The following YBX1 variants were observed in gnomAD, a reference collection of about 807,000 sequenced individuals.
YBX1 encodes the protein Y-box binding protein 1.
In YBX1, 3 loss-of-function variants were observed where a neutral mutation model predicts 41.4. The ratio of observed to expected loss-of-function variants is 0.07; its 90% CI spans 0.03 to 0.19. The LOEUF (loss-of-function observed/expected upper bound fraction) is 0.19, where lower values mean the gene tolerates loss of function less well. Among genes scored for constraint, YBX1 ranks in the 10% least tolerant of loss-of-function variants. YBX1 has a pLI of 1.00. For synonymous variants in YBX1, 133 were observed against 165.8 expected (o/e 0.80, Z 1.52); for missense variants, 274 against 462.8 (o/e 0.59, Z 3.74).
intron 2 of YBX1, among the ~76,000 whole-genome samples, chr1:42,685,612 A>G (rs979090881): frequency 1.3e-5 from 2 of 152,206 alleles, no homozygotes; most frequent in African/African-American, 4.8e-5. Flanking sequence ...TGAGGGAGGG[A>G]GACAGACTGA....
At chr1:42,689,655 T>G (rs898967178) in intron 2 of YBX1, among the ~76,000 whole-genome samples, 4 of 152,134 alleles carry the variant, frequency 2.6e-5, no homozygotes, top group African/African-American at 9.7e-5. Flanking sequence ...GTCCGGGAGT[T>G]TGGATGGATT....
At chr1:42,687,896 A>G (rs374645376) in intron 2 of YBX1, among the ~76,000 whole-genome samples, 3 of 152,314 alleles carry the variant, frequency 2.0e-5, no homozygotes, top group East Asian at 3.9e-4. Flanking sequence ...ATGTTTTGGC[A>G]CTAGGGAAGG....
chr1:42,696,522 C>CGGGGTGG lies in YBX1; in HGVS notation c.355-120_355-119insGGGGTGG. 3.1e-6 allele frequency: 2 copies of CGGGGTGG among 637,568 alleles called. No homozygotes were observed. The highest frequency in any genetic ancestry group is 4.8e-6 in the Non-Finnish European group (2 of 420,684). 39.5% of individuals were successfully genotyped at this position (637,568 alleles called of 1,614,324 possible). On this transcript the variant is annotated intron_variant, in intron 4 of 7. Transcript: ENST00000321358. This position sits in a 1 kb window ranked among gnomAD's most constrained non-coding sequence, Gnocchi z 5.7. ...GGTCACGCAGTTGCGCCCCCCCCCC[C>CGGGGTGG]TTTTTTTTCCTTAACTTTGTTGTTT...
chr1:42,691,218 G>A (rs1345841084), intron 2 of YBX1, among the ~76,000 whole-genome samples: 1 of 152,202 alleles, frequency 6.6e-6, no homozygotes, highest in East Asian at 1.9e-4. Context: ...CCCTGGCTAA[G>A]TATTCCTTTT....
At chr1:42,699,045 G>T (rs182407738) in intron 6 of YBX1, among the ~76,000 whole-genome samples, 1 of 152,026 alleles carries the variant, frequency 6.6e-6, no homozygotes, top group Non-Finnish European at 1.5e-5. Flanking sequence ...AAAATGGGGG[G>T]TCAAAAAGGG....
chr1:42,696,511 G>GCCC lies in YBX1; in HGVS notation c.355-122_355-120dup, dbSNP rs34273075. ...TGTGCACCCCTGGTCACGCAGTTGC[G>GCCC]CCCCCCCCCCCTTTTTTTTCCTTAA... On this transcript the variant is annotated intron_variant, in intron 4 of 7. Coordinates refer to ENST00000321358, the MANE Select transcript of YBX1 (RefSeq NM_004559.5). The surrounding 1 kb of genome is among the most constrained non-coding windows in gnomAD (Gnocchi z 5.7). The GCCC allele has an allele frequency of 1.6e-3, 757 of 468,782 alleles. 10 individuals are homozygous for GCCC. Among genetic ancestry groups the GCCC allele is most frequent in the East Asian group, 6.2e-3 (126 of 20,164 alleles). 29.0% of individuals were successfully genotyped at this position (468,782 alleles called of 1,614,324 possible). A position where few individuals can be genotyped will look rare whatever the true frequency, so the allele number is the denominator to read the frequency against.
intron 2 of YBX1, among the ~76,000 whole-genome samples, chr1:42,693,064 A>G (rs1385327859): frequency 6.6e-6 from 1 of 152,072 alleles, no homozygotes; most frequent in South Asian, 2.1e-4. Context: ...TCTCATTTTT[A>G]TGATCTCAAG....
In YBX1 at chr1:42,702,980, A is replaced by G. The variant is rs1196291869; in HGVS notation, c.*1031A>G. Among the ~76,000 whole-genome samples, 1 of 152,128 alleles carries G rather than the reference A, an allele frequency of 6.6e-6. No homozygotes were observed. The highest frequency in any genetic ancestry group is 2.4e-5 in the African/African-American group (1 of 41,426). On this transcript the variant is annotated 3_prime_UTR_variant, in exon 8 of 8. Transcript: ENST00000321358. Reference sequence around the variant, plus strand: ...TCTTGTTCTGTCATCAGGCTGGAGTACAGTGGCACAATCTTGGCTCACTGC... The same window carrying G: ...TCTTGTTCTGTCATCAGGCTGGAGTGCAGTGGCACAATCTTGGCTCACTGC...
rs144349068 is a variant in YBX1 at position 42,693,272 on chromosome 1, C to CTT, written c.231-205_231-204dup. Reference sequence around the variant, plus strand: ...GTAGGTCACACTTTAATTTCTTAGACTTTTTTTTTTTTTTGCCTATCTTAC... The same window carrying CTT: ...GTAGGTCACACTTTAATTTCTTAGACTTTTTTTTTTTTTTTTGCCTATCTTAC... On this transcript the variant is annotated intron_variant, in intron 2 of 7. Transcript: ENST00000321358. Among the ~76,000 whole-genome samples the CTT allele has an allele frequency of 5.1e-4, 74 of 144,158 alleles. 4 individuals are homozygous for CTT. In the East Asian group the frequency reaches 0.013, roughly 26 times the overall value. The allele number at this position is 144,158 out of a possible 152,430, so 94.6% of individuals were successfully genotyped here.
intron 2 of YBX1, 36 bp downstream of exon 2, chr1:42,683,502 T>TG (rs755075924): frequency 2.5e-6 from 4 of 1,611,538 alleles, no homozygotes; most frequent in Non-Finnish European, 3.4e-6. Context: ...CATCCCACCT[T>TG]CTTGCTTGCT....
At position 42,696,588 on chromosome 1, in the gene YBX1, G is replaced by C. The variant is rs1480081565; in HGVS notation, c.355-54G>C. 2 of 1,349,286 alleles carry C rather than the reference G, an allele frequency of 1.5e-6. No individual in the cohort carries two copies. Among genetic ancestry groups the C allele is most frequent in the Non-Finnish European group, 9.7e-7 (1 of 1,032,854 alleles). The allele number at this position is 1,349,286 out of a possible 1,614,324, so 83.6% of individuals were successfully genotyped here. A position where few individuals can be genotyped will look rare whatever the true frequency, so the allele number is the denominator to read the frequency against. On this transcript the variant is annotated intron_variant, in intron 4 of 7. Coordinates refer to ENST00000321358, the MANE Select transcript of YBX1 (RefSeq NM_004559.5). The surrounding 1 kb of genome is among the most constrained non-coding windows in gnomAD (Gnocchi z 5.7). Reference sequence around the variant, plus strand: ...AATGTTCTGATTTCCTTTTGAAAGTGTTGAAAGTGTTCTGATTTCCTTTGT... The same window carrying C: ...AATGTTCTGATTTCCTTTTGAAAGTCTTGAAAGTGTTCTGATTTCCTTTGT...
chr1:42,699,151 C>T (rs1224961676), intron 6 of YBX1, among the ~76,000 whole-genome samples: 1 of 152,122 alleles, frequency 6.6e-6, no homozygotes, highest in African/African-American at 2.4e-5. Context: ...TTTTCTTTCT[C>T]AGAGAGGGTA....
chr1:42,693,700 C>T (rs1182710325), intron 3 of YBX1, among the ~76,000 whole-genome samples, 177 bp downstream of exon 3: 1 of 152,204 alleles, frequency 6.6e-6, no homozygotes, highest in Non-Finnish European at 1.5e-5. Flanking sequence ...TTAGAGTTGA[C>T]TTAATTATCC....
chr1:42,682,881 C>T (rs933751992), intron 1 of YBX1, 150 bp downstream of exon 1: 8 of 326,206 alleles, frequency 2.5e-5, no homozygotes, highest in African/African-American at 1.3e-4. Context: ...CCCCTCACTC[C>T]CTCTCGCGGG....
rs766269407 is a variant in YBX1, at chr1:42,683,389, G to GT, written c.167-10dup. The GT allele has an allele frequency of 1.2e-6, 2 of 1,614,214 alleles. No homozygotes were observed. The highest frequency in any genetic ancestry group is 2.2e-5 in the South Asian group (2 of 91,078). On this transcript the variant is annotated splice_polypyrimidine_tract_variant and intron_variant, in intron 1 of 7. Transcript: ENST00000321358. The stretch of plus-strand genomic sequence containing the variant: ...TGGTAATCGTGGCTTGTTTTGCTTT[G>GT]TTTTCTTTTCCAGCAACGAAGGTTT...
At chr1:42,698,861 C>T (rs1350306401) in intron 6 of YBX1, among the ~76,000 whole-genome samples, 2 of 152,100 alleles carry the variant, frequency 1.3e-5, no homozygotes, top group East Asian at 3.9e-4. Flanking sequence ...CTAGACTTTC[C>T]AAACTGTGCA....
chr1:42,688,402 A>G (rs1301108517), intron 2 of YBX1, among the ~76,000 whole-genome samples: 1 of 152,102 alleles, frequency 6.6e-6, no homozygotes, highest in Non-Finnish European at 1.5e-5. Flanking sequence ...ACACAAATGC[A>G]TTAGAAAGTT....
At chr1:42,689,326 C>G (rs1208369359) in intron 2 of YBX1, among the ~76,000 whole-genome samples, 2 of 152,122 alleles carry the variant, frequency 1.3e-5, no homozygotes, top group African/African-American at 4.8e-5. Flanking sequence ...TATCTGGTTG[C>G]TTTAGGTTAT....
chr1:42,683,163 G>A (rs1650095517), intron 1 of YBX1: 3 of 654,868 alleles, frequency 4.6e-6, no homozygotes, highest in Non-Finnish European at 8.4e-6. Flanking sequence ...TCCGCGGCCT[G>A]CGCACACACC....
Sources: allele counts gnomAD v4.1 joint callset (sites outside exome capture counted in the v4.1 genomes callset), GRCh38; gene constraint gnomAD v4.1.1; non-coding constraint Gnocchi (gnomAD v3.1); transcripts MANE v1.5; gene names NCBI Gene and HGNC (gene_info 2026-07-23, HGNC 2026-07-21).